The following CFAP221 variants were observed in gnomAD, a reference collection of about 807,000 sequenced individuals.
CFAP221 encodes the protein cilia- and flagella-associated protein 221.
Under a neutral mutation model 113.1 loss-of-function variants are expected in CFAP221, and 97 were observed. That is an observed-to-expected ratio of 0.86 (90% CI 0.73 to 1.02). The LOEUF (loss-of-function observed/expected upper bound fraction) is 1.02, where lower values mean the gene tolerates loss of function less well. Among genes scored for constraint, CFAP221 ranks in the 50% least tolerant of loss-of-function variants. The pLI, the probability that CFAP221 is intolerant of heterozygous loss-of-function variation, is 0.00. For synonymous variants in CFAP221, 331 were observed against 354.4 expected, an observed-to-expected ratio of 0.93 and a Z score of 0.74; for missense variants, 1,025 against 1,013.4, an observed-to-expected ratio of 1.01 and a Z score of -0.16.
intron 7 of CFAP221, among the ~76,000 whole-genome samples, chr2:119,594,801 C>G (rs918591597): frequency 2.6e-5 from 4 of 152,184 alleles, no homozygotes; most frequent in Non-Finnish European, 4.4e-5. Context: ...ACCCCAGCAA[C>G]TCTTATGAAG....
At chr2:119,614,545 A>G (rs573521863) in intron 13 of CFAP221, among the ~76,000 whole-genome samples, 1 of 152,212 alleles carries the variant, frequency 6.6e-6, no homozygotes, top group Non-Finnish European at 1.5e-5. Flanking sequence ...AGCAAGAAGA[A>G]TGAGAACCAA....
In CFAP221 at chr2:119,546,199, C is replaced by T. The variant is rs977042682; in HGVS notation, c.68C>T (p.Pro23Leu). 2.0e-6 allele frequency: 3 copies of T among 1,535,684 alleles called. No homozygotes were observed. In the African/African-American group the frequency reaches 4.1e-5, roughly 21 times the overall value. ...NAKEPFNNAS[P>L]HLLKNLVEEP... is the part of the protein sequence containing the mutation. ...AAAGAACCCTTTAATAATGCATCAC[C>T]CCATCTCTTGAAGAACCTAGTGGAG... The change falls in exon 2 of 24, where the codon CCC becomes CTC. Residue 23 changes from proline (P) to leucine (L), a missense_variant. Pro to Leu is a moderately conservative substitution (Grantham distance 98). Transcript: ENST00000413369.
chr2:119,658,365 G>T (rs1458280196), downstream of CFAP221, among the ~76,000 whole-genome samples: 1 of 152,012 alleles, frequency 6.6e-6, no homozygotes, highest in Non-Finnish European at 1.5e-5. Context: ...GTGCATCCTC[G>T]ACCTTTCCTA....
chr2:119,571,136 T>C (rs1449247568), intron 6 of CFAP221, among the ~76,000 whole-genome samples: 1 of 140,236 alleles, frequency 7.1e-6, no homozygotes, highest in Non-Finnish European at 1.6e-5. Context: ...CAACCCCCTT[T>C]TTTTTTTTTT....
intron 22 of CFAP221, among the ~76,000 whole-genome samples, chr2:119,651,772 C>G (rs1380823982): frequency 6.6e-6 from 1 of 152,178 alleles, no homozygotes; most frequent in Non-Finnish European, 1.5e-5. Context: ...TTATAAATAA[C>G]TACCATTATG....
At chr2:119,558,123 T>TA (rs201161689) in intron 3 of CFAP221, among the ~76,000 whole-genome samples, 2,686 of 152,290 alleles carry the variant, frequency 0.018, 31 homozygotes, top group Non-Finnish European at 0.025. Flanking sequence ...CCACTTCCAC[T>TA]TCCAGCTCTT....
At chr2:119,570,626 A>T (rs1315972870) in intron 6 of CFAP221, among the ~76,000 whole-genome samples, 1 of 152,210 alleles carries the variant, frequency 6.6e-6, no homozygotes, top group Non-Finnish European at 1.5e-5. Flanking sequence ...ATACAACATG[A>T]GGTCTAGTGT....
chr2:119,636,283 C>T (rs565989264), intron 19 of CFAP221, among the ~76,000 whole-genome samples: 4 of 152,138 alleles, frequency 2.6e-5, no homozygotes, highest in East Asian at 3.9e-4. Context: ...GCTGTAGTTC[C>T]GGAAGGCAAA....
chr2:119,612,081 T>C (rs1685208459), intron 13 of CFAP221, among the ~76,000 whole-genome samples: 1 of 152,192 alleles, frequency 6.6e-6, no homozygotes, highest in African/African-American at 2.4e-5. Context: ...ATTATCCTCC[T>C]TCCCTTGGTA....
intron 6 of CFAP221, among the ~76,000 whole-genome samples, chr2:119,571,133 CTTTTTTTTTTTTT>C (rs34017847): frequency 2.1e-5 from 2 of 93,154 alleles, no homozygotes; most frequent in Admixed American, 2.6e-4. Context: ...TAACAACCCC[CTTTTTTTTTTTTT>C]TTTTTTTTTT....
chr2:119,627,580 G>A (rs1686403145), intron 15 of CFAP221, 73 bp from the exon 16 acceptor site: 1 of 1,433,686 alleles, frequency 7.0e-7, no homozygotes, highest in Non-Finnish European at 9.5e-7. Flanking sequence ...TGGAAAATAT[G>A]CAAATATATA....
At chr2:119,606,798 T>G (rs1684801162) in intron 11 of CFAP221, among the ~76,000 whole-genome samples, 1 of 152,122 alleles carries the variant, frequency 6.6e-6, no homozygotes, top group South Asian at 2.1e-4. Flanking sequence ...TTAATATTTT[T>G]CCCAACTTTT....
intron 6 of CFAP221, among the ~76,000 whole-genome samples, chr2:119,575,436 A>C (rs1396206695): frequency 6.6e-6 from 1 of 152,144 alleles, no homozygotes; most frequent in African/African-American, 2.4e-5. Flanking sequence ...CTATTGTCAA[A>C]TGTGTTAATT....
chr2:119,615,515 C>A, intron 13 of CFAP221, 96 bp from the exon 14 acceptor site: 1 of 906,524 alleles, frequency 1.1e-6, no homozygotes, highest in Non-Finnish European at 1.7e-6. Context: ...TAAATAACAA[C>A]TTGATTTGGG....
intron 22 of CFAP221, among the ~76,000 whole-genome samples, chr2:119,651,135 C>G (rs562271389): frequency 6.6e-5 from 10 of 152,300 alleles, no homozygotes; most frequent in African/African-American, 2.2e-4. Flanking sequence ...TTCCTGAGGT[C>G]AGCTCTGAAC....
chr2:119,572,082 C>T (rs1003341759), intron 6 of CFAP221, among the ~76,000 whole-genome samples: 40 of 152,212 alleles, frequency 2.6e-4, no homozygotes, highest in African/African-American at 8.4e-4. Context: ...GGTATGTATT[C>T]GTCAGATGCA....
intron 6 of CFAP221, among the ~76,000 whole-genome samples, chr2:119,577,984 G>A (rs1379253844): frequency 6.6e-6 from 1 of 152,198 alleles, no homozygotes; most frequent in East Asian, 1.9e-4. Flanking sequence ...TGCACAGCCA[G>A]CTAGGGCTGC....
intron 23 of CFAP221, 108 bp downstream of exon 23, chr2:119,652,177 A>G (rs902370363): frequency 7.1e-6 from 5 of 707,478 alleles, no homozygotes; most frequent in Non-Finnish European, 1.1e-5. Flanking sequence ...TCAGTCTTTG[A>G]AAGAGACACA....
chr2:119,579,955 A>G (rs1367935066), intron 6 of CFAP221, among the ~76,000 whole-genome samples: 1 of 152,192 alleles, frequency 6.6e-6, no homozygotes, highest in Non-Finnish European at 1.5e-5. Flanking sequence ...GCGTGAGTCC[A>G]CTGGCGTCAT....
Sources: gnomAD v4.1 joint callset for allele counts (sites outside exome capture counted in the v4.1 genomes callset) on GRCh38, gnomAD v4.1.1 for gene constraint, MANE v1.5 for transcripts, NCBI Gene and HGNC (gene_info 2026-07-23, HGNC 2026-07-21) for gene names.